Variants in KIAA1328 observed in about 807,000 individuals in gnomAD.
KIAA1328 encodes protein hinderin.
Under a neutral mutation model 68.1 loss-of-function variants are expected in KIAA1328, and 52 were observed. That is an observed-to-expected ratio of 0.76 (90% CI 0.61 to 0.96). KIAA1328 has a LOEUF of 0.96. Among genes scored for constraint, KIAA1328 ranks in the 40% least tolerant of loss-of-function variants. The pLI, the probability that KIAA1328 is intolerant of heterozygous loss-of-function variation, is 0.00. For synonymous variants in KIAA1328, 232 were observed against 239.4 expected, an observed-to-expected ratio of 0.97 and a Z score of 0.28; for missense variants, 641 against 677.6, an observed-to-expected ratio of 0.95 and a Z score of 0.60.
intron 5 of KIAA1328, among the ~76,000 whole-genome samples, chr18:36,888,503 A>T (rs2048574946): frequency 6.6e-6 from 1 of 152,212 alleles, no homozygotes; most frequent in African/African-American, 2.4e-5. Flanking sequence ...ATTGTGAATA[A>T]GGATTGGAGC....
chr18:37,098,676 A>G (rs2057495717), intron 7 of KIAA1328, among the ~76,000 whole-genome samples: 1 of 152,176 alleles, frequency 6.6e-6, no homozygotes, highest in South Asian at 2.1e-4. Context: ...TACCTCTGGT[A>G]GAATTCGGCT....
At chr18:37,229,008 A>C (rs2060653060), downstream of KIAA1328, among the ~76,000 whole-genome samples, 1 of 152,178 alleles carries the variant, frequency 6.6e-6, no homozygotes, top group Admixed American at 6.5e-5. Flanking sequence ...CTGGGAAACA[A>C]AAAATTTGTG....
chr18:36,936,963 A>T (rs2050522756), intron 5 of KIAA1328, among the ~76,000 whole-genome samples: 1 of 152,196 alleles, frequency 6.6e-6, no homozygotes, highest in South Asian at 2.1e-4. Context: ...ACTATATACT[A>T]CAAGGCTACA....
At chr18:36,897,708 C>T (rs1238866599) in intron 5 of KIAA1328, among the ~76,000 whole-genome samples, 1 of 151,998 alleles carries the variant, frequency 6.6e-6, no homozygotes, top group Non-Finnish European at 1.5e-5. Context: ...AGGCTAAAAC[C>T]ACAAGGACTA....
intron 9 of KIAA1328, among the ~76,000 whole-genome samples, chr18:37,194,481 C>A (rs2059966035): frequency 6.6e-6 from 1 of 151,976 alleles, no homozygotes; most frequent in African/African-American, 2.4e-5. Flanking sequence ...TGTAATATGT[C>A]AAAATGTTTT....
intron 6 of KIAA1328, among the ~76,000 whole-genome samples, chr18:37,063,996 G>A (rs1038012557): frequency 6.6e-6 from 1 of 152,006 alleles, no homozygotes; most frequent in Non-Finnish European, 1.5e-5. Flanking sequence ...ATACTAAGTA[G>A]CAGGTGATAA....
At chr18:37,118,200 GCCTAGGATGGTC>G (rs1168599814) in intron 7 of KIAA1328, among the ~76,000 whole-genome samples, 3 of 151,922 alleles carry the variant, frequency 2.0e-5, no homozygotes, top group African/African-American at 7.3e-5. Context: ...TTGCTATGTT[GCCTAGGATGGTC>G]TTGAACTCCT....
intron 6 of KIAA1328, among the ~76,000 whole-genome samples, chr18:36,965,250 G>A (rs1319121942): frequency 6.6e-6 from 1 of 151,912 alleles, no homozygotes; most frequent in Non-Finnish European, 1.5e-5. Flanking sequence ...TCTGGTAAAA[G>A]GCTTGTTAGA....
chr18:37,021,469 T>C (rs986281056), intron 6 of KIAA1328, among the ~76,000 whole-genome samples: 2 of 152,228 alleles, frequency 1.3e-5, no homozygotes, highest in Non-Finnish European at 2.9e-5. Context: ...GAGAAACTTT[T>C]CTTTTTAAAG....
chr18:36,989,841 C>T (rs1360007476), intron 6 of KIAA1328, among the ~76,000 whole-genome samples: 1 of 152,044 alleles, frequency 6.6e-6, no homozygotes, highest in East Asian at 1.9e-4. Flanking sequence ...CCTACAGGTG[C>T]CCGCCACCAC....
chr18:37,176,240 T>C lies in KIAA1328; in HGVS notation c.1523+3159T>C, dbSNP rs538211516. 4.6e-5 allele frequency among the ~76,000 whole-genome samples: 7 copies of C among 152,320 alleles called. No homozygotes were observed. In the South Asian group the frequency reaches 1.0e-3, roughly 23 times the overall value. On this transcript the variant is annotated intron_variant, in intron 9 of 9. Coordinates refer to ENST00000280020, the MANE Select transcript of KIAA1328 (RefSeq NM_020776.3). ...AATGTGTAATAAGTGCTAGAGACAG[T>C]AAAGGAATGTTAACTATGTTGCAAA...
At chr18:36,879,274 G>A (rs1487898378) in intron 4 of KIAA1328, among the ~76,000 whole-genome samples, 2 of 151,972 alleles carry the variant, frequency 1.3e-5, no homozygotes, top group African/African-American at 4.8e-5. Flanking sequence ...CTAATAGTCA[G>A]TCCCCTCTTC....
intron 7 of KIAA1328, among the ~76,000 whole-genome samples, chr18:37,078,651 C>T (rs2151786929): frequency 6.8e-6 from 1 of 147,774 alleles, no homozygotes; most frequent in East Asian, 2.0e-4. Flanking sequence ...CAAACAACCC[C>T]ATCAAAAAGT....
intron 6 of KIAA1328, among the ~76,000 whole-genome samples, chr18:37,025,801 G>C (rs941109612): frequency 1.4e-4 from 21 of 151,814 alleles, no homozygotes; most frequent in Non-Finnish European, 2.6e-4. Context: ...CCCTAACATC[G>C]CAATTAAAAG....
chr18:36,920,130 C>T (rs1568165181), intron 5 of KIAA1328, among the ~76,000 whole-genome samples: 3 of 152,178 alleles, frequency 2.0e-5, no homozygotes, highest in Admixed American at 6.5e-5. Flanking sequence ...TTTATGCCAA[C>T]GCCAATATCC....
chr18:37,135,209 T>G (rs1000088449), intron 7 of KIAA1328, among the ~76,000 whole-genome samples: 3 of 152,198 alleles, frequency 2.0e-5, no homozygotes, highest in African/African-American at 7.2e-5. Flanking sequence ...CTTTGGGATA[T>G]ACACCTAATA....
In KIAA1328 at chr18:36,858,556, G is replaced by C. The variant is rs550838339; in HGVS notation, c.332+14254G>C. Among the ~76,000 whole-genome samples the C allele has an allele frequency of 2.0e-5, 3 of 152,212 alleles. No individual in the cohort carries two copies. The South Asian group carries it at 6.2e-4, about 32-fold the overall frequency. On this transcript the variant is annotated intron_variant, in intron 4 of 9. Coordinates refer to ENST00000280020, the MANE Select transcript of KIAA1328 (RefSeq NM_020776.3). ...TATCAACTTTGTTTTGGTTTTCCTG[G>C]TTTTTAACCCTTAACCTATTCCCAT... is the stretch of plus-strand genomic sequence containing the variant.
intron 5 of KIAA1328, among the ~76,000 whole-genome samples, chr18:36,926,420 T>TA (rs1201449802): frequency 6.8e-6 from 1 of 147,838 alleles, no homozygotes; most frequent in African/African-American, 2.5e-5. Context: ...TTTATTTATT[T>TA]TTGGAAAGAA....
chr18:37,224,003 A>C lies in KIAA1328; in HGVS notation c.*1776A>C, dbSNP rs1281600308. 2 of 985,362 alleles carry C rather than the reference A, an allele frequency of 2.0e-6. No homozygotes were observed. Among genetic ancestry groups the C allele is most frequent in the Admixed American group, 1.2e-4 (2 of 16,278 alleles). 61.0% of individuals were successfully genotyped at this position (985,362 alleles called of 1,614,324 possible). A position where few individuals can be genotyped will look rare whatever the true frequency, so the allele number is the denominator to read the frequency against. ...CTCTGAGAGTAACCAAATCGGTTTC[A>C]TCCCATATCAAAAAGCCTTTGGAGT... On this transcript the variant is annotated 3_prime_UTR_variant, in exon 10 of 10. Transcript: ENST00000280020.
Sources: allele counts gnomAD v4.1 joint callset (sites outside exome capture counted in the v4.1 genomes callset), GRCh38; gene constraint gnomAD v4.1.1; transcripts MANE v1.5; gene names NCBI Gene and HGNC (gene_info 2026-07-23, HGNC 2026-07-21).